The following CFAP157 variants were observed in gnomAD, a reference collection of about 807,000 sequenced individuals.
CFAP157 encodes cilia- and flagella-associated protein 157.
A neutral mutation model predicts 57.8 loss-of-function variants in CFAP157; 43 were observed. The observed-to-expected ratio is 0.74, with a 90% CI of 0.58 to 0.96. The LOEUF is 0.96. Among genes scored for constraint, CFAP157 ranks in the 40% least tolerant of loss-of-function variants. The pLI is 0.00. For synonymous variants in CFAP157, 267 were observed against 269.0 expected (o/e 0.99, Z 0.07); for missense variants, 606 against 655.3 (o/e 0.92, Z 0.82).
chr9:127,713,115 G>A lies in CFAP157; in HGVS notation c.1400G>A (p.Arg467His), dbSNP rs779533908. Residue 467 changes from arginine to histidine, a missense_variant, in exon 8 of 9, where the codon CGC (arginine) becomes CAC (histidine). Coordinates refer to ENST00000373295, the MANE Select transcript of CFAP157 (RefSeq NM_001012502.3). Reference sequence around the variant, plus strand: ...CCGGGGGATCTAGGCCTGGTACCTCGCCAGGTCCACATCCCACCCAACCCC... The same window carrying A: ...CCGGGGGATCTAGGCCTGGTACCTCACCAGGTCCACATCCCACCCAACCCC... ...YQPGDLGLVP[R>H]QVHIPPNPQD... 19 of 1,612,830 alleles carry A rather than the reference G, an allele frequency of 1.2e-5. No homozygotes were observed. The highest frequency in any genetic ancestry group is 1.4e-5 in the Non-Finnish European group (16 of 1,179,464).
chr9:127,715,646 C>T lies in CFAP157; in HGVS notation c.*1741C>T, dbSNP rs1167827849. The T allele has an allele frequency of 3.1e-6, 5 of 1,610,404 alleles. No homozygotes were observed. Among genetic ancestry groups the T allele is most frequent in the African/African-American group, 1.3e-5 (1 of 74,912 alleles). ...AAAAGCCGCCCGGCCTCATGCTGCC[C>T]CCATTCACTCCGACACCGCCCCCTG... On this transcript the variant is annotated 3_prime_UTR_variant, in exon 9 of 9. Coordinates refer to ENST00000373295, the MANE Select transcript of CFAP157 (RefSeq NM_001012502.3). The surrounding 1 kb of genome is among the most constrained non-coding windows in gnomAD (Gnocchi z 5.8).
chr9:127,712,023 C>G, intron 5 of CFAP157, 73 bp downstream of exon 5: 1 of 1,539,138 alleles, frequency 6.5e-7, no homozygotes, highest in Non-Finnish European at 8.8e-7. Context: ...TCTTTCCGAT[C>G]CCACGACCCA....
chr9:127,713,249 G>C, intron 8 of CFAP157, 43 bp downstream of exon 8: 1 of 1,433,008 alleles, frequency 7.0e-7, no homozygotes, highest in Non-Finnish European at 9.4e-7. Flanking sequence ...GTGGCAGCTA[G>C]TCCTGGGTAC....
Position 127,714,838 on chromosome 9 carries a change from C to A in CFAP157, c.*933C>A. On this transcript the variant is annotated 3_prime_UTR_variant, in exon 9 of 9. Coordinates refer to ENST00000373295, the MANE Select transcript of CFAP157 (RefSeq NM_001012502.3). ...CTGAGGCCCCCCGAAGTACCCAAAG[C>A]CATGCAGCAACTGGAGCTCAACAGG... 9.6e-7 allele frequency: 1 copy of A among 1,036,620 alleles called. No homozygotes were observed. Among genetic ancestry groups the A allele is most frequent in the Non-Finnish European group, 1.4e-6 (1 of 705,192 alleles). The allele number at this position is 1,036,620 out of a possible 1,614,324, so 64.2% of individuals were successfully genotyped here. A position where few individuals can be genotyped will look rare whatever the true frequency, so the allele number is the denominator to read the frequency against.
Position 127,713,914 on chromosome 9 carries a change from G to A in CFAP157, c.*9G>A. On this transcript the variant is annotated 3_prime_UTR_variant, in exon 9 of 9. Coordinates refer to ENST00000373295, the MANE Select transcript of CFAP157 (RefSeq NM_001012502.3). ...CCCTACGTCCCAAGTAGGACACAGA[G>A]AGAAGAACCTACTCCAGAAATGGAC... 1 of 1,612,952 alleles carries A rather than the reference G, an allele frequency of 6.2e-7. No individual in the cohort carries two copies. The highest frequency in any genetic ancestry group is 1.3e-5 in the African/African-American group (1 of 75,012).
At position 127,715,042 on chromosome 9, in the gene CFAP157, A is replaced by C. The variant is rs774384875; in HGVS notation, c.*1137A>C. 7 of 1,523,146 alleles carry C rather than the reference A, an allele frequency of 4.6e-6. No homozygotes were observed. Among genetic ancestry groups the C allele is most frequent in the Non-Finnish European group, 6.1e-6 (7 of 1,141,682 alleles). The allele number at this position is 1,523,146 out of a possible 1,614,324, so 94.4% of individuals were successfully genotyped here. On this transcript the variant is annotated 3_prime_UTR_variant, in exon 9 of 9. Coordinates refer to ENST00000373295, the MANE Select transcript of CFAP157 (RefSeq NM_001012502.3). This position sits in a 1 kb window ranked among gnomAD's most constrained non-coding sequence, Gnocchi z 5.8. ...GTGGCCGGAGCAGGACCAGTTGGGC[A>C]TCCCCCAGCGGGGCCAGGGCGAGGT...
In CFAP157 at chr9:127,713,032, C is replaced by T. The variant is rs1842804395; in HGVS notation, c.1317C>T (p.Ile439=). 6.2e-7 allele frequency: 1 copy of T among 1,613,442 alleles called. No individual in the cohort carries two copies. The highest frequency in any genetic ancestry group is 2.2e-5 in the East Asian group (1 of 44,860). The change falls in exon 8 of 9, where the codon ATC becomes ATT. Residue 439 remains isoleucine, a synonymous_variant. Transcript: ENST00000373295. ...HGPPKESRPS[I]QLPRTGSLLP... is the part of the protein sequence containing the mutation. ...CCCCTCCCCACAGCCGGCCCAGCAT[C>T]CAGCTGCCCAGGACTGGGTCTCTGC...
At position 127,710,771 on chromosome 9, in the gene CFAP157, C is replaced by A. The variant is rs1329253573; in HGVS notation, c.587+17C>A. On this transcript the variant is annotated intron_variant, in intron 3 of 8. Coordinates refer to ENST00000373295, the MANE Select transcript of CFAP157 (RefSeq NM_001012502.3). ...CAAGGACAGGTGGGCAAGCGGGGCA[C>A]CCTTTGGGGCCTTTGGAGGCTTCAT... The A allele has an allele frequency of 1.3e-6, 2 of 1,555,568 alleles. No individual in the cohort carries two copies. Among genetic ancestry groups the A allele is most frequent in the Admixed American group, 1.9e-5 (1 of 51,416 alleles).
rs1842745961 is a variant in CFAP157, at chr9:127,710,711, T to C, written c.544T>C (p.Tyr182His). The C allele has an allele frequency of 1.1e-5, 18 of 1,573,306 alleles. No homozygotes were observed. The highest frequency in any genetic ancestry group is 1.6e-5 in the Non-Finnish European group (18 of 1,158,470). Residue 182 changes from tyrosine (Y) to histidine (H), a missense_variant, in exon 3 of 9, where the codon TAT (tyrosine) becomes CAT (histidine). Tyr to His is a moderately conservative substitution (Grantham distance 83, BLOSUM62 2). Transcript: ENST00000373295. The stretch of plus-strand genomic sequence containing the variant: ...GAAGCAGGAGAATGAGTTCAGGGAC[T>C]ATGCATACAACCTGGAGAAGAAGTC... ...VRKQENEFRDYAYNLEKKSVL... is the reference protein window; with the variant it reads ...VRKQENEFRDHAYNLEKKSVL...
chr9:127,707,111 T>TGG lies in CFAP157; in HGVS notation c.81_82dup (p.Ala28GlyfsTer11). 6.2e-7 allele frequency: 1 copy of TGG among 1,613,828 alleles called. No individual in the cohort carries two copies. The highest frequency in any genetic ancestry group is 8.5e-7 in the Non-Finnish European group (1 of 1,179,998). ...AAAGGGGGCAAGAAGGAGCCGGTGG[T>TGG]GGCCGTGGAGCCGCCTCTGGCCAAG... On this transcript the variant is annotated frameshift_variant, in exon 1 of 9. Coordinates refer to ENST00000373295, the MANE Select transcript of CFAP157 (RefSeq NM_001012502.3). LOFTEE classifies it high-confidence loss of function.
Position 127,710,753 on chromosome 9 carries a change from A to T in CFAP157, c.586A>T (p.Arg196Ter). 1 of 1,562,962 alleles carries T rather than the reference A, an allele frequency of 6.4e-7. No homozygotes were observed. Reference protein sequence around the residue: ...LEKKSVLDKDRLRKEIIQRVN... With the variant: ...LEKKSVLDKD ...GAAGAAGTCGGTGCTGGACAAGGACAGGTGGGCAAGCGGGGCACCCTTTGG... is the reference window on the plus strand; with the variant it reads ...GAAGAAGTCGGTGCTGGACAAGGACTGGTGGGCAAGCGGGGCACCCTTTGG... Residue 196 changes from arginine to a stop codon, truncating the protein, a stop_gained and splice_region_variant, in exon 3 of 9, where the codon AGA becomes TGA. Transcript: ENST00000373295. LOFTEE classifies it high-confidence loss of function.
chr9:127,715,524 C>T lies in CFAP157; in HGVS notation c.*1619C>T. ...AGCTAGGGACCGGGAGCCCCTACGT[C>T]GCCGCCCCACGCCACTCACCATCCA... On this transcript the variant is annotated 3_prime_UTR_variant, in exon 9 of 9. Coordinates refer to ENST00000373295, the MANE Select transcript of CFAP157 (RefSeq NM_001012502.3). The surrounding 1 kb of genome is among the most constrained non-coding windows in gnomAD (Gnocchi z 5.8). The T allele has an allele frequency of 6.2e-7, 1 of 1,613,226 alleles. No homozygotes were observed. Among genetic ancestry groups the T allele is most frequent in the Non-Finnish European group, 8.5e-7 (1 of 1,179,984 alleles).
At position 127,707,199 on chromosome 9, in the gene CFAP157, G is replaced by A. The variant is rs1588387396; in HGVS notation, c.161+7G>A. On this transcript the variant is annotated splice_region_variant and intron_variant, in intron 1 of 8. Transcript: ENST00000373295. ...TGGAGGACCGGCTAGCCCGGTGCGT[G>A]GGCTGGCGGGCAGGAGTCTGGTGCC... is the stretch of plus-strand genomic sequence containing the variant. The A allele has an allele frequency of 6.2e-7, 1 of 1,608,448 alleles. No individual in the cohort carries two copies. The highest frequency in any genetic ancestry group is 2.2e-5 in the East Asian group (1 of 44,794).
rs756189594 is a variant in CFAP157, at chr9:127,711,882, G to A, written c.918G>A (p.Glu306=). Residue 306 remains glutamate (E), a synonymous_variant, in exon 5 of 9, where the codon GAG becomes GAA. Coordinates refer to ENST00000373295, the MANE Select transcript of CFAP157 (RefSeq NM_001012502.3). ...AGCAGGACACCAAGGAGGCCGAGGAGCTGCGCCTCCTGCTGAGCCAGTTGG... is the reference window on the plus strand; with the variant it reads ...AGCAGGACACCAAGGAGGCCGAGGAACTGCGCCTCCTGCTGAGCCAGTTGG... ...EQQQDTKEAE[E]LRLLLSQLEQ... 1.9e-6 allele frequency: 3 copies of A among 1,593,758 alleles called. No individual in the cohort carries two copies. Among genetic ancestry groups the A allele is most frequent in the African/African-American group, 1.3e-5 (1 of 74,820 alleles).
chr9:127,714,931 CACCCCCTTGGCCCGCCCG>C lies in CFAP157; in HGVS notation c.*1027_*1044del. The C allele has an allele frequency of 2.8e-6, 2 of 716,106 alleles. No homozygotes were observed. The highest frequency in any genetic ancestry group is 4.5e-6 in the Non-Finnish European group (2 of 439,698). 44.4% of individuals were successfully genotyped at this position (716,106 alleles called of 1,614,324 possible). On this transcript the variant is annotated 3_prime_UTR_variant, in exon 9 of 9. Transcript: ENST00000373295. ...CCTCTGGCCCCCGCGCCCCAACCCCCACCCCCTTGGCCCGCCCGCCCACCCCTGGCGCTCTCAACTCAC... is the reference window on the plus strand; with the variant it reads ...CCTCTGGCCCCCGCGCCCCAACCCCCCCCACCCCTGGCGCTCTCAACTCAC...
chr9:127,713,695 C>T (rs1321212177), intron 8 of CFAP157, 139 bp from the exon 9 acceptor site: 9 of 624,656 alleles, frequency 1.4e-5, no homozygotes, highest in Non-Finnish European at 2.3e-5. Flanking sequence ...TTAGTAGAGA[C>T]AGGGTTTCAC....
At position 127,709,476 on chromosome 9, in the gene CFAP157, G is replaced by A. The variant is rs781705818; in HGVS notation, c.216G>A (p.Glu72=). ...LAVQEKMFRQ[E]FEQLANNKKE... Reference sequence around the variant, plus strand: ...TGCAGGAGAAGATGTTCCGCCAGGAGTTTGAGCAGCTGGCCAATAACAAGA... The same window carrying A: ...TGCAGGAGAAGATGTTCCGCCAGGAATTTGAGCAGCTGGCCAATAACAAGA... The change falls in exon 2 of 9, where the codon GAG becomes GAA. Residue 72 remains glutamate (E), a synonymous_variant. Coordinates refer to ENST00000373295, the MANE Select transcript of CFAP157 (RefSeq NM_001012502.3). The surrounding 1 kb of genome is among the most constrained non-coding windows in gnomAD (Gnocchi z 4.7). 1 of 1,614,064 alleles carries A rather than the reference G, an allele frequency of 6.2e-7. No individual in the cohort carries two copies. The highest frequency in any genetic ancestry group is 1.1e-5 in the South Asian group (1 of 91,086).
In CFAP157 at chr9:127,714,992, C is replaced by A; in HGVS notation, c.*1087C>A. ...CAACTCACCAGCCCGGGCCACGCTG[C>A]GCCCGTTGGCGTTCATAAGCCGCCG... On this transcript the variant is annotated 3_prime_UTR_variant, in exon 9 of 9. Transcript: ENST00000373295. The A allele has an allele frequency of 6.8e-7, 1 of 1,464,660 alleles. No homozygotes were observed. The highest frequency in any genetic ancestry group is 9.0e-7 in the Non-Finnish European group (1 of 1,113,390). The allele number at this position is 1,464,660 out of a possible 1,614,324, so 90.7% of individuals were successfully genotyped here.
In CFAP157 at chr9:127,707,002, T is replaced by C. The variant is rs1261956121; in HGVS notation, c.-30T>C. ...CCTTAGCAACCACCTGGCCTCTTCCTGGGGCCTGGAGCCCTGGTTGCCATC... is the reference window on the plus strand; with the variant it reads ...CCTTAGCAACCACCTGGCCTCTTCCCGGGGCCTGGAGCCCTGGTTGCCATC... On this transcript the variant is annotated 5_prime_UTR_variant, in exon 1 of 9. Coordinates refer to ENST00000373295, the MANE Select transcript of CFAP157 (RefSeq NM_001012502.3). 1.9e-6 allele frequency: 3 copies of C among 1,610,800 alleles called. No homozygotes were observed. Among genetic ancestry groups the C allele is most frequent in the Non-Finnish European group, 1.7e-6 (2 of 1,178,396 alleles).
Sources: allele counts gnomAD v4.1 joint callset, GRCh38; gene constraint gnomAD v4.1.1; non-coding constraint Gnocchi (gnomAD v3.1); transcripts MANE v1.5; gene names NCBI Gene and HGNC (gene_info 2026-07-23, HGNC 2026-07-21).